Variants in MYO16 observed in about 807,000 individuals in gnomAD.
The protein encoded by MYO16 is myosin XVI, also known as unconventional myosin-XVI.
A neutral mutation model predicts 205.3 loss-of-function variants in MYO16; 94 were observed. The ratio of observed to expected loss-of-function variants is 0.46; its 90% CI spans 0.39 to 0.54. MYO16 has a LOEUF of 0.54. MYO16 is among the 20% of genes least tolerant of loss of function. The pLI is 0.00. For missense variants in MYO16, 2,315 were observed against 2,387.5 expected (o/e 0.97, Z 0.63); for synonymous variants, 988 against 954.0 (o/e 1.04, Z -0.66).
At chr13:108,559,763 C>G in the MYO16 span, among the ~76,000 whole-genome samples, 1 of 152,036 alleles carries the variant, frequency 6.6e-6, no homozygotes, top group Non-Finnish European at 1.5e-5. Context: ...AGCCACAGCG[C>G]CCGGCCTTGA....
At chr13:108,506,049 T>A in the MYO16 span, among the ~76,000 whole-genome samples, 1 of 152,180 alleles carries the variant, frequency 6.6e-6, no homozygotes, top group Non-Finnish European at 1.5e-5. Flanking sequence ...TGCCATACTG[T>A]CTTGACTACT....
At chr13:109,173,538 G>T (rs1038349425) in intron 33 of MYO16, among the ~76,000 whole-genome samples, 1 of 152,130 alleles carries the variant, frequency 6.6e-6, no homozygotes, top group Non-Finnish European at 1.5e-5. Flanking sequence ...GATAGAATAG[G>T]TGAGTAAATA....
upstream of MYO16, among the ~76,000 whole-genome samples, chr13:108,626,295 C>A (rs550416770): frequency 7.9e-5 from 12 of 152,154 alleles, no homozygotes; most frequent in Non-Finnish European, 1.3e-4. Flanking sequence ...TTGGAAAGAA[C>A]AATAGTTCAT....
the MYO16 span, among the ~76,000 whole-genome samples, chr13:108,572,005 G>T: frequency 4.6e-5 from 7 of 151,040 alleles, no homozygotes; most frequent in African/African-American, 1.7e-4. Context: ...CTGCAGCCTT[G>T]ACCTCCCAGG....
chr13:108,866,268 T>C (rs879575656), intron 12 of MYO16, 26 bp downstream of exon 12: 3 of 1,462,012 alleles, frequency 2.1e-6, no homozygotes, highest in East Asian at 2.3e-5. Context: ...TAAATATCAT[T>C]GAATAATGTA....
Position 108,888,451 on chromosome 13 carries a change from G to A in MYO16, c.1633G>A (p.Ala545Thr). 1 of 1,606,810 alleles carries A rather than the reference G, an allele frequency of 6.2e-7. No homozygotes were observed. Among genetic ancestry groups the A allele is most frequent in the Non-Finnish European group, 8.5e-7 (1 of 1,177,682 alleles). Residue 545 changes from alanine (A) to threonine (T), a missense_variant, in exon 14 of 35, where the codon GCC becomes ACC. Physicochemically the swap from Ala to Thr is moderately conservative, Grantham distance 58. This residue lies in a region of MYO16 where 1,213 missense variants were observed against 1,274.4 expected (regional missense o/e 0.95). Transcript: ENST00000457511. ...HLTCRAGASR[A>T]TLDSRFKHVV... ...CACCTGCAGGGCTGGCGCCAGCAGG[G>A]CCACACTGGATTCCAGATTCAAACA...
chr13:108,979,730 T>C (rs1407811028), intron 20 of MYO16, among the ~76,000 whole-genome samples: 1 of 152,150 alleles, frequency 6.6e-6, no homozygotes, highest in Non-Finnish European at 1.5e-5. Context: ...AAACCTTTTC[T>C]CTGCAATTGT....
intron 4 of MYO16, among the ~76,000 whole-genome samples, chr13:108,777,216 T>C (rs1886151586): frequency 6.6e-6 from 1 of 152,178 alleles, no homozygotes; most frequent in Non-Finnish European, 1.5e-5. Flanking sequence ...TCTGTATTAC[T>C]GTGCAATACT....
chr13:108,831,873 T>A lies in MYO16; in HGVS notation c.1097+8595T>A, dbSNP rs565846859. ...TAGAACAAATCAAAGGCCCAGAAGATCTGGAGAAGGTTACCATCCCTGGGC... is the reference window on the plus strand; with the variant it reads ...TAGAACAAATCAAAGGCCCAGAAGAACTGGAGAAGGTTACCATCCCTGGGC... On this transcript the variant is annotated intron_variant, in intron 9 of 34. Coordinates refer to ENST00000457511, the MANE Select transcript of MYO16 (RefSeq NM_001198950.3). Among the ~76,000 whole-genome samples the A allele has an allele frequency of 2.1e-4, 32 of 152,210 alleles. No individual in the cohort carries two copies. In the South Asian group the frequency reaches 6.0e-3, roughly 29 times the overall value.
At chr13:108,646,702 A>C (rs1180844991) in intron 1 of MYO16, among the ~76,000 whole-genome samples, 1 of 152,192 alleles carries the variant, frequency 6.6e-6, no homozygotes, top group Admixed American at 6.5e-5. Context: ...CCATTGTGCT[A>C]TGAAAGTATT....
the MYO16 span, among the ~76,000 whole-genome samples, chr13:108,525,699 C>A: frequency 2.0e-5 from 3 of 152,170 alleles, no homozygotes; most frequent in African/African-American, 7.2e-5. Context: ...CTCAGTGGAC[C>A]ACTCTCTGGT....
At chr13:109,092,281 A>G (rs111329840) in intron 27 of MYO16, among the ~76,000 whole-genome samples, 3 of 152,164 alleles carry the variant, frequency 2.0e-5, no homozygotes, top group African/African-American at 7.2e-5. Context: ...ACTTCCTGAT[A>G]GTCTTTTTTT....
Position 108,820,367 on chromosome 13 carries a change from C to G in MYO16, c.898C>G (p.Gln300Glu). Reference protein sequence around the residue: ...TNLVKLLLMHQANPHLVNCNE... With the variant: ...TNLVKLLLMHEANPHLVNCNE... ...TCTGGTGAAACTTCTCCTGATGCAT[C>G]AGGCAAACCCACACCTCGTGAACTG... Residue 300 changes from glutamine to glutamate, a missense_variant, in exon 8 of 35, where the codon CAG becomes GAG. Coordinates refer to ENST00000457511, the MANE Select transcript of MYO16 (RefSeq NM_001198950.3). The G allele has an allele frequency of 6.2e-7, 1 of 1,606,162 alleles. No individual in the cohort carries two copies. Among genetic ancestry groups the G allele is most frequent in the South Asian group, 1.1e-5 (1 of 89,596 alleles).
chr13:108,670,142 G>A (rs889341153), intron 2 of MYO16, among the ~76,000 whole-genome samples: 3 of 152,188 alleles, frequency 2.0e-5, no homozygotes, highest in Admixed American at 2.0e-4. Flanking sequence ...GGTGACACTA[G>A]AGTAAGAGAA....
chr13:108,522,996 A>G, the MYO16 span, among the ~76,000 whole-genome samples: 4 of 152,194 alleles, frequency 2.6e-5, no homozygotes, highest in African/African-American at 9.7e-5. Context: ...AAAAAATGCC[A>G]TAGAAAAGCC....
At chr13:108,524,013 G>A in the MYO16 span, among the ~76,000 whole-genome samples, 2 of 152,120 alleles carry the variant, frequency 1.3e-5, no homozygotes. Flanking sequence ...TAAGTGTGTG[G>A]CACTGGCCGG....
At chr13:108,869,368 A>C (rs554402784) in intron 12 of MYO16, among the ~76,000 whole-genome samples, 1 of 152,220 alleles carries the variant, frequency 6.6e-6, no homozygotes, top group South Asian at 2.1e-4. Context: ...TGTTATAAAT[A>C]ATCATTTAAA....
chr13:109,095,288 T>C (rs1888743948), intron 27 of MYO16, among the ~76,000 whole-genome samples: 1 of 152,142 alleles, frequency 6.6e-6, no homozygotes, highest in East Asian at 1.9e-4. Context: ...GCTGGGACAG[T>C]GTGGGGAGTG....
intron 13 of MYO16, among the ~76,000 whole-genome samples, chr13:108,886,137 G>A (rs1048407142): frequency 5.3e-5 from 8 of 151,990 alleles, no homozygotes; most frequent in Non-Finnish European, 8.8e-5. Flanking sequence ...ACAGGCGCCC[G>A]CCATCACGCC....
Sources: allele counts gnomAD v4.1 joint callset (sites outside exome capture counted in the v4.1 genomes callset), GRCh38; gene constraint gnomAD v4.1.1; regional missense constraint gnomAD v4.1.1; transcripts MANE v1.5; gene names NCBI Gene and HGNC (gene_info 2026-07-23, HGNC 2026-07-21).